The following FAM83C variants were observed in gnomAD, a reference collection of about 807,000 sequenced individuals.
FAM83C encodes the protein scaffolding CK1 anchoring protein C.
FAM83C carries 23 observed loss-of-function variants against 27.1 expected under a neutral mutation model. The observed-to-expected ratio is 0.85, with a 90% CI of 0.61 to 1.20. FAM83C has a LOEUF of 1.20. Among genes scored for constraint, FAM83C ranks in the 50% most tolerant of loss-of-function variants. FAM83C has a pLI of 0.00. For synonymous variants in FAM83C, 426 were observed against 423.1 expected (o/e 1.01, Z -0.09); for missense variants, 984 against 1,001.3 (o/e 0.98, Z 0.23).
rs1374661032 is a variant in FAM83C at position 35,288,890 on chromosome 20, G to A, written c.582C>T (p.Ser194=). Residue 194 remains serine, a synonymous_variant, in exon 2 of 4, where the codon AGC becomes AGT. Coordinates refer to ENST00000374408, the MANE Select transcript of FAM83C (RefSeq NM_178468.6). ...ELLCDLMEAS[S]RRGVPVYLLL... ...GCAGGTACACAGGGACACCACGCCG[G>A]CTTGAGGCCTCCATGAGGTCACACA... The A allele has an allele frequency of 6.2e-7, 1 of 1,614,018 alleles. No individual in the cohort carries two copies. Among genetic ancestry groups the A allele is most frequent in the Non-Finnish European group, 8.5e-7 (1 of 1,180,044 alleles).
At position 35,287,183 on chromosome 20, in the gene FAM83C, GC is replaced by G. The variant is rs2060830282; in HGVS notation, c.1595del (p.Gly532AlafsTer56). The part of the protein sequence containing the change: ...DPDSGVTPNS[G>X]PLRPGEQAPE... Reference sequence around the variant, plus strand: ...GGGCCTGCTCGCCAGGCCGAAGGGGGCCTGAGTTGGGGGTAACCCCAGAGTC... The same window carrying G: ...GGGCCTGCTCGCCAGGCCGAAGGGGGCTGAGTTGGGGGTAACCCCAGAGTC... On this transcript the variant is annotated frameshift_variant, in exon 4 of 4. Transcript: ENST00000374408. LOFTEE classifies it low-confidence loss of function (END_TRUNC). The G allele has an allele frequency of 6.2e-7, 1 of 1,609,288 alleles. No individual in the cohort carries two copies. The highest frequency in any genetic ancestry group is 1.1e-5 in the South Asian group (1 of 91,046).
At position 35,292,021 on chromosome 20, in the gene FAM83C, T is replaced by G; in HGVS notation, c.284A>C (p.Gln95Pro). ...VRGGPELSEA[Q>P]GQEASGPDRL... ...GTCTGGCCCGGAGGCCTCCTGCCCC[T>G]GAGCCTCGCTGAGCTCAGGGCCCCC... The change falls in exon 1 of 4, where the codon CAG becomes CCG. Residue 95 changes from glutamine (Q) to proline (P), a missense_variant. Transcript: ENST00000374408. The G allele has an allele frequency of 6.2e-7, 1 of 1,613,478 alleles. No homozygotes were observed. The highest frequency in any genetic ancestry group is 2.2e-5 in the East Asian group (1 of 44,862).
chr20:35,290,247 C>A (rs1341528748), intron 1 of FAM83C, among the ~76,000 whole-genome samples: 2 of 152,154 alleles, frequency 1.3e-5, no homozygotes, highest in African/African-American at 4.8e-5. Context: ...TCAAAGAGGC[C>A]CCTGAAACCT....
Position 35,287,161 on chromosome 20 carries a change from C to T in FAM83C, c.1618G>A (p.Ala540Thr). The T allele has an allele frequency of 6.2e-7, 1 of 1,606,242 alleles. No individual in the cohort carries two copies. The highest frequency in any genetic ancestry group is 8.5e-7 in the Non-Finnish European group (1 of 1,179,204). Residue 540 changes from alanine to threonine, a missense_variant, in exon 4 of 4, where the codon GCC becomes ACC. Ala to Thr is a moderately conservative substitution (Grantham distance 58). Coordinates refer to ENST00000374408, the MANE Select transcript of FAM83C (RefSeq NM_178468.6). ...GGGGACAACCTCCTGTCCTCTGGGG[C>T]CTGCTCGCCAGGCCGAAGGGGGCCT... ...NSGPLRPGEQ[A>T]PEDRRLSPSQ...
Position 35,285,864 on chromosome 20 carries a change from AATGATG to A in FAM83C, c.*665_*670del, listed in dbSNP as rs138836224. 4 of 156,166 alleles carry A rather than the reference AATGATG, an allele frequency of 2.6e-5. No individual in the cohort carries two copies. Among genetic ancestry groups the A allele is most frequent in the Non-Finnish European group, 5.7e-5 (4 of 70,694 alleles). 9.7% of individuals were successfully genotyped at this position (156,166 alleles called of 1,614,324 possible). On this transcript the variant is annotated 3_prime_UTR_variant, in exon 4 of 4. Coordinates refer to ENST00000374408, the MANE Select transcript of FAM83C (RefSeq NM_178468.6). ...CACTCAGCAAGATGATGACGACGAC[AATGATG>A]ATGATGATGATGATGACTCAGCAAG...
chr20:35,292,290 C>T lies in FAM83C; in HGVS notation c.15G>A (p.Pro5=), dbSNP rs1387555745. The change falls in exon 1 of 4, where the codon CCG becomes CCA. Residue 5 remains proline, a synonymous_variant. Transcript: ENST00000374408. ...CCTGGGCTCCCAGGACCCCAGGCCC[C>T]GGGCCTCCGAACATGCCTGCCACGC... is the stretch of plus-strand genomic sequence containing the variant. MFGG[P]GPGVLGAQGM... 3.3e-6 allele frequency: 5 copies of T among 1,529,044 alleles called. No individual in the cohort carries two copies. The highest frequency in any genetic ancestry group is 4.8e-5 in the East Asian group (2 of 41,674). 94.7% of individuals were successfully genotyped at this position (1,529,044 alleles called of 1,614,324 possible). A position where few individuals can be genotyped will look rare whatever the true frequency, so the allele number is the denominator to read the frequency against.
chr20:35,288,337 A>T (rs1319312251), intron 3 of FAM83C, 124 bp downstream of exon 3: 1 of 1,519,534 alleles, frequency 6.6e-7, no homozygotes, highest in Admixed American at 1.9e-5. Context: ...TGAGCCTGGC[A>T]TGATGCCTGG....
At chr20:35,290,947 A>G (rs1309092681) in intron 1 of FAM83C, among the ~76,000 whole-genome samples, 1 of 152,212 alleles carries the variant, frequency 6.6e-6, no homozygotes, top group Non-Finnish European at 1.5e-5. Flanking sequence ...AAACCCTGCC[A>G]GGGATCATCT....
Position 35,288,515 on chromosome 20 carries a change from G to T in FAM83C, c.752C>A (p.Ala251Asp). ...SKAGRRFTGQALEKFVLIDCE... is the reference protein window; with the variant it reads ...SKAGRRFTGQDLEKFVLIDCE... ...GTCAATGAGGACGAACTTCTCCAGG[G>T]CCTGCCCCGTGAAGCGGCGGCCAGC... The change falls in exon 3 of 4, where the codon GCC becomes GAC. Residue 251 changes from alanine (A) to aspartate (D), a missense_variant. Transcript: ENST00000374408. 1 of 1,614,176 alleles carries T rather than the reference G, an allele frequency of 6.2e-7. No individual in the cohort carries two copies. Among genetic ancestry groups the T allele is most frequent in the Non-Finnish European group, 8.5e-7 (1 of 1,180,004 alleles).
chr20:35,291,669 T>C, intron 1 of FAM83C, 123 bp downstream of exon 1: 1 of 1,294,762 alleles, frequency 7.7e-7, no homozygotes, highest in South Asian at 1.4e-5. Flanking sequence ...AATCTAATAG[T>C]GCCAGAGGTG....
In FAM83C at chr20:35,287,457, A is replaced by T. The variant is rs1379549059; in HGVS notation, c.1322T>A (p.Val441Glu). 6.2e-7 allele frequency: 1 copy of T among 1,614,184 alleles called. No homozygotes were observed. The highest frequency in any genetic ancestry group is 8.5e-7 in the Non-Finnish European group (1 of 1,180,024). The change falls in exon 4 of 4, where the codon GTG (valine) becomes GAG (glutamate). Residue 441 changes from valine (V) to glutamate (E), a missense_variant. Physicochemically the swap from Val to Glu is moderately radical, Grantham distance 121. Transcript: ENST00000374408. ...HNSTSPLTLAVGSPLLPRSRP... is the reference protein window; with the variant it reads ...HNSTSPLTLAEGSPLLPRSRP... The stretch of plus-strand genomic sequence containing the variant: ...GGAGCGAGGAAGCAGAGGTGACCCC[A>T]CTGCCAAGGTTAAGGGGCTGGTACT...
rs1410877242 is a variant in FAM83C at position 35,292,159 on chromosome 20, G to A, written c.146C>T (p.Ala49Val). 1 of 1,597,138 alleles carries A rather than the reference G, an allele frequency of 6.3e-7. No individual in the cohort carries two copies. Among genetic ancestry groups the A allele is most frequent in the East Asian group, 2.2e-5 (1 of 44,766 alleles). The change falls in exon 1 of 4, where the codon GCC becomes GTC. Residue 49 changes from alanine to valine, a missense_variant. Transcript: ENST00000374408. ...CTCACCCCGCTCCAGGAGGGCGTCG[G>A]CCGCCAGCCGAGCCGCCTCGCTGTG... is the stretch of plus-strand genomic sequence containing the variant. ...LRHSEAARLA[A>V]DALLERGEAA...
Position 35,292,376 on chromosome 20 carries a change from A to T in FAM83C, c.-72T>A, listed in dbSNP as rs561437577. The T allele has an allele frequency of 1.4e-6, 2 of 1,432,688 alleles. No individual in the cohort carries two copies. The highest frequency in any genetic ancestry group is 1.8e-6 in the Non-Finnish European group (2 of 1,100,096). The allele number at this position is 1,432,688 out of a possible 1,614,324, so 88.7% of individuals were successfully genotyped here. A position where few individuals can be genotyped will look rare whatever the true frequency, so the allele number is the denominator to read the frequency against. Reference sequence around the variant, plus strand: ...ACGCTGGGCTGGCTGCAGCAGGAAGAGGAGACCAGCAGAACCGCCTTCTGC... The same window carrying T: ...ACGCTGGGCTGGCTGCAGCAGGAAGTGGAGACCAGCAGAACCGCCTTCTGC... On this transcript the variant is annotated 5_prime_UTR_variant, in exon 1 of 4. Transcript: ENST00000374408.
rs2060833943 is a variant in FAM83C, at chr20:35,287,813, C to A, written c.966G>T (p.Leu322=). Reference sequence around the variant, plus strand: ...AGGCTAGGGCCACAGGGGGAGGACGCAGTGCCCGGGGAGACAGCGGGTCCT... The same window carrying A: ...AGGCTAGGGCCACAGGGGGAGGACGAAGTGCCCGGGGAGACAGCGGGTCCT... ...GGEDPLSPRA[L]RPPPVALAFR... Residue 322 remains leucine, a synonymous_variant, in exon 4 of 4, where the codon CTG becomes CTT. Transcript: ENST00000374408. 1.3e-6 allele frequency: 2 copies of A among 1,589,114 alleles called. No homozygotes were observed.
Position 35,291,869 on chromosome 20 carries a change from C to G in FAM83C, c.436G>C (p.Ala146Pro). ...PQATGFSPTQ[A>P]VVHFQRDKAK... ...TTGTCCCTCTGGAAGTGGACCACAG[C>G]CTGGGTGGGGCTGAAGCCTGTGGCC... Residue 146 changes from alanine (A) to proline (P), a missense_variant, in exon 1 of 4, where the codon GCT becomes CCT. Coordinates refer to ENST00000374408, the MANE Select transcript of FAM83C (RefSeq NM_178468.6). 3.1e-6 allele frequency: 5 copies of G among 1,614,184 alleles called. No individual in the cohort carries two copies. Among genetic ancestry groups the G allele is most frequent in the Non-Finnish European group, 4.2e-6 (5 of 1,180,026 alleles).
rs2060823506 is a variant in FAM83C, at chr20:35,286,319, G to T, written c.*216C>A. 1.8e-6 allele frequency: 1 copy of T among 561,664 alleles called. No homozygotes were observed. Among genetic ancestry groups the T allele is most frequent in the Non-Finnish European group, 3.1e-6 (1 of 320,906 alleles). The allele number at this position is 561,664 out of a possible 1,614,324, so 34.8% of individuals were successfully genotyped here. ...GCTCTACAGGCCCAGCACAGGGCTG[G>T]AAACACAGCCTAGATTCAAGAAGAT... On this transcript the variant is annotated 3_prime_UTR_variant, in exon 4 of 4. Transcript: ENST00000374408.
rs1280566383 is a variant in FAM83C at position 35,287,379 on chromosome 20, T to C, written c.1400A>G (p.Glu467Gly). Residue 467 changes from glutamate (E) to glycine (G), a missense_variant, in exon 4 of 4, where the codon GAG (glutamate) becomes GGG (glycine). Physicochemically the swap from Glu to Gly is moderately conservative, Grantham distance 98. Coordinates refer to ENST00000374408, the MANE Select transcript of FAM83C (RefSeq NM_178468.6). ...RGAPALSRFP[E>G]NGLPGSQEPS... The stretch of plus-strand genomic sequence containing the variant: ...CTCTTGGCTTCCTGGGAGCCCATTC[T>C]CTGGGAACCGGGACAGAGCTGGGGC... The C allele has an allele frequency of 6.2e-7, 1 of 1,613,888 alleles. No homozygotes were observed. Among genetic ancestry groups the C allele is most frequent in the Admixed American group, 1.7e-5 (1 of 60,026 alleles).
chr20:35,288,437 C>A, intron 3 of FAM83C, 24 bp downstream of exon 3: 4 of 1,613,120 alleles, frequency 2.5e-6, no homozygotes, highest in African/African-American at 1.3e-5. Context: ...CCCAGGCCCC[C>A]CTTGCCTCCT....
rs1352452227 is a variant in FAM83C, at chr20:35,287,730, C to A, written c.1049G>T (p.Ser350Ile). 1 of 1,613,924 alleles carries A rather than the reference C, an allele frequency of 6.2e-7. No homozygotes were observed. The highest frequency in any genetic ancestry group is 1.1e-5 in the South Asian group (1 of 91,044). ...ACCCATAAGCGGTGACTGCTTGATG[C>A]TGCTGAGGCTGGTGCTGGAGGGCAG... ...SSLPSSTSLS[S>I]IKQSPLMGRS... Residue 350 changes from serine (S) to isoleucine (I), a missense_variant, in exon 4 of 4, where the codon AGC becomes ATC. Physicochemically the swap from Ser to Ile is moderately radical, Grantham distance 142 (BLOSUM62 -2). Transcript: ENST00000374408.
Sources: gnomAD v4.1 joint callset for allele counts (sites outside exome capture counted in the v4.1 genomes callset) on GRCh38, gnomAD v4.1.1 for gene constraint, MANE v1.5 for transcripts, NCBI Gene and HGNC (gene_info 2026-07-23, HGNC 2026-07-21) for gene names.